The following CA10 variants were observed in gnomAD, a reference collection of about 807,000 sequenced individuals.
The protein encoded by CA10 is carbonic anhydrase-related protein 10.
In CA10, 14 loss-of-function variants were observed where a neutral mutation model predicts 44.2. The ratio of observed to expected loss-of-function variants is 0.32; its 90% confidence interval spans 0.21 to 0.50. CA10 has a LOEUF of 0.50. Ranked by LOEUF, CA10 falls within the 20% of genes least tolerant of loss-of-function variation. The probability of loss-of-function intolerance (pLI) is 0.99; values close to 1 mark genes in which losing one functional copy is unlikely to be tolerated. For missense variants in CA10, 350 were observed against 409.7 expected (o/e 0.85, Z 1.26); for synonymous variants, 159 against 141.6 (o/e 1.12, Z -0.87).
At chr17:52,143,644 C>T (rs143272082) in intron 1 of CA10, among the ~76,000 whole-genome samples, 165 of 152,248 alleles carry the variant, frequency 1.1e-3, no homozygotes, top group Middle Eastern at 3.4e-3. Flanking sequence ...CTCATTAAAT[C>T]ACTGGGACCT....
intron 4 of CA10, among the ~76,000 whole-genome samples, chr17:51,663,615 C>T (rs1015687030): frequency 9.2e-5 from 14 of 152,108 alleles, no homozygotes; most frequent in African/African-American, 3.4e-4. Flanking sequence ...ATTAAATGAA[C>T]CAAAACATGT....
At chr17:52,027,671 C>A (rs1348315427) in intron 2 of CA10, among the ~76,000 whole-genome samples, 3 of 152,142 alleles carry the variant, frequency 2.0e-5, no homozygotes, top group Non-Finnish European at 2.9e-5. Context: ...AGACCTCATT[C>A]CCTTTTGCAG....
chr17:52,131,011 T>C (rs1046836089), intron 1 of CA10, among the ~76,000 whole-genome samples: 2 of 152,110 alleles, frequency 1.3e-5, no homozygotes, highest in African/African-American at 4.8e-5. Context: ...GTAATACATA[T>C]GTATAATTAG....
At chr17:52,078,619 A>C (rs1987880399) in intron 1 of CA10, among the ~76,000 whole-genome samples, 1 of 152,252 alleles carries the variant, frequency 6.6e-6, no homozygotes, top group Non-Finnish European at 1.5e-5. Flanking sequence ...CCAGGAAACA[A>C]CATAAGTTGG....
At chr17:51,756,261 C>G (rs16950459) in intron 3 of CA10, among the ~76,000 whole-genome samples, 2,425 of 152,186 alleles carry the variant, frequency 0.016, 65 homozygotes, top group African/African-American at 0.056. Context: ...TTATGCTGCC[C>G]AGGTGAGGAA....
chr17:51,754,323 C>A (rs576907456), intron 3 of CA10, among the ~76,000 whole-genome samples: 1 of 122,636 alleles, frequency 8.2e-6, no homozygotes, highest in African/African-American at 3.2e-5. Context: ...TGTGTGTGTA[C>A]ATATATATGT....
chr17:52,051,125 A>AAAAGG (rs1009575089), intron 2 of CA10, among the ~76,000 whole-genome samples: 1 of 151,274 alleles, frequency 6.6e-6, no homozygotes, highest in Non-Finnish European at 1.5e-5. Context: ...AAAAGAAAAG[A>AAAAGG]AAAGAAAGGA....
chr17:52,154,334 A>G (rs1225490176), intron 1 of CA10, among the ~76,000 whole-genome samples: 1 of 152,202 alleles, frequency 6.6e-6, no homozygotes, highest in African/African-American at 2.4e-5. Context: ...AATTCTAAGA[A>G]TAGATGAATT....
At position 51,793,763 on chromosome 17, in the gene CA10, T is replaced by A. The variant is rs572098517; in HGVS notation, c.280-45945A>T. ...TTTTCCCTTGTGTCTTTCAGACAGATGTTTGGTGTTCCTTGTGCTTTCTTT... is the reference window on the plus strand; with the variant it reads ...TTTTCCCTTGTGTCTTTCAGACAGAAGTTTGGTGTTCCTTGTGCTTTCTTT... On this transcript the variant is annotated intron_variant, in intron 3 of 8. Coordinates refer to ENST00000451037, the MANE Select transcript of CA10 (RefSeq NM_020178.5). Among the ~76,000 whole-genome samples, 116 of 152,338 alleles carry A rather than the reference T, an allele frequency of 7.6e-4. 1 individual carries two copies. Among genetic ancestry groups the A allele is most frequent in the Middle Eastern group, 6.8e-3 (2 of 294 alleles).
chr17:51,891,912 T>A (rs1980874298), intron 3 of CA10, among the ~76,000 whole-genome samples: 2 of 152,176 alleles, frequency 1.3e-5, no homozygotes, highest in South Asian at 2.1e-4. Context: ...CGGTGAGGAA[T>A]GTATCATGCC....
intron 1 of CA10, among the ~76,000 whole-genome samples, chr17:52,075,724 G>A (rs1271554193): frequency 6.6e-6 from 1 of 152,026 alleles, no homozygotes; most frequent in Non-Finnish European, 1.5e-5. Flanking sequence ...CCCAGAAACG[G>A]TGACATCCCT....
At chr17:51,706,996 G>A (rs761819586) in intron 4 of CA10, among the ~76,000 whole-genome samples, 1 of 152,014 alleles carries the variant, frequency 6.6e-6, no homozygotes. Flanking sequence ...TACCCACAGC[G>A]CTTGTCACTA....
At chr17:51,881,025 C>T (rs1342707557) in intron 3 of CA10, among the ~76,000 whole-genome samples, 1 of 151,782 alleles carries the variant, frequency 6.6e-6, no homozygotes, top group African/African-American at 2.4e-5. Flanking sequence ...ATCATGAGGT[C>T]AGGAGATCGA....
At chr17:52,039,012 G>A (rs751774160) in intron 2 of CA10, among the ~76,000 whole-genome samples, 35 of 151,954 alleles carry the variant, frequency 2.3e-4, no homozygotes, top group African/African-American at 7.7e-4. Context: ...GTGAGAGAAC[G>A]GAATTAAATG....
intron 3 of CA10, among the ~76,000 whole-genome samples, chr17:51,839,779 G>A (rs1461299262): frequency 2.0e-5 from 3 of 152,084 alleles, no homozygotes; most frequent in Non-Finnish European, 4.4e-5. Context: ...GAAAACTTTG[G>A]AAGAGATGCA....
intron 4 of CA10, among the ~76,000 whole-genome samples, chr17:51,746,312 T>C (rs1904686577): frequency 6.6e-6 from 1 of 152,234 alleles, no homozygotes; most frequent in Non-Finnish European, 1.5e-5. Flanking sequence ...TGTTTTTACA[T>C]CTGGAATCCC....
intron 3 of CA10, among the ~76,000 whole-genome samples, chr17:51,861,176 A>T (rs1184077679): frequency 6.6e-6 from 1 of 152,136 alleles, no homozygotes; most frequent in Non-Finnish European, 1.5e-5. Flanking sequence ...GCCAGAGGAC[A>T]CGGGAGAGAT....
chr17:52,059,579 A>G (rs1987323486), intron 2 of CA10, among the ~76,000 whole-genome samples: 2 of 152,174 alleles, frequency 1.3e-5, no homozygotes, highest in Admixed American at 1.3e-4. Context: ...GTAAATGACA[A>G]GTTAACAGGT....
chr17:51,652,010 T>C (rs1486021515), intron 5 of CA10, among the ~76,000 whole-genome samples: 1 of 152,158 alleles, frequency 6.6e-6, no homozygotes, highest in Non-Finnish European at 1.5e-5. Flanking sequence ...ATGAGTAGCA[T>C]GGGGTTGTGG....
Sources: gnomAD v4.1 joint callset for allele counts (sites outside exome capture counted in the v4.1 genomes callset) on GRCh38, gnomAD v4.1.1 for gene constraint, MANE v1.5 for transcripts, NCBI Gene and HGNC (gene_info 2026-07-23, HGNC 2026-07-21) for gene names.